Variants in GAPDHS observed in about 807,000 individuals in gnomAD.
GAPDHS encodes the protein glyceraldehyde-3-phosphate dehydrogenase, testis-specific.
In GAPDHS, 42 loss-of-function variants were observed where a neutral mutation model predicts 48.7. That is an observed-to-expected ratio of 0.86 (90% CI 0.67 to 1.12). The LOEUF is 1.12. GAPDHS is among the 50% of genes most tolerant of loss of function. GAPDHS has a pLI of 0.00. For synonymous variants in GAPDHS, 166 were observed against 219.1 expected, an observed-to-expected ratio of 0.76 and a Z score of 2.14; for missense variants, 512 against 557.7, an observed-to-expected ratio of 0.92 and a Z score of 0.82.
At position 35,545,239 on chromosome 19, in the gene GAPDHS, G is replaced by A. The variant is rs925475231; in HGVS notation, c.*69G>A. 1.5e-6 allele frequency: 2 copies of A among 1,332,416 alleles called. No homozygotes were observed. The highest frequency in any genetic ancestry group is 2.2e-6 in the Non-Finnish European group (2 of 924,752). 82.5% of individuals were successfully genotyped at this position (1,332,416 alleles called of 1,614,324 possible). A position where few individuals can be genotyped will look rare whatever the true frequency, so the allele number is the denominator to read the frequency against. On this transcript the variant is annotated 3_prime_UTR_variant, in exon 11 of 11. Coordinates refer to ENST00000222286, the MANE Select transcript of GAPDHS (RefSeq NM_014364.5). The stretch of plus-strand genomic sequence containing the variant: ...ACATGTGCCTCCCGTTCCAGCATCT[G>A]GCTGCCCGGGGGAGGAAGGACACCC...
intron 9 of GAPDHS, 72 bp from the exon 10 acceptor site, chr19:35,544,837 A>C: frequency 1.2e-6 from 1 of 850,944 alleles, no homozygotes; most frequent in Non-Finnish European, 2.1e-6. Context: ...GATAGAGTTA[A>C]GAGTCGGGGC....
At chr19:35,542,690 G>T in intron 6 of GAPDHS, 82 bp downstream of exon 6, 1 of 1,001,352 alleles carries the variant, frequency 1.0e-6, no homozygotes. Context: ...CTGGATTCCT[G>T]GTCGCTTGGC....
intron 1 of GAPDHS, among the ~76,000 whole-genome samples, chr19:35,534,500 C>G (rs993725557): frequency 6.6e-6 from 1 of 152,128 alleles, no homozygotes; most frequent in Admixed American, 6.5e-5. Context: ...CAGTGAGGAG[C>G]TGGGGGCAGC....
Position 35,543,819 on chromosome 19 carries a change from G to A in GAPDHS, c.1048G>A (p.Glu350Lys), listed in dbSNP as rs763554985. 41 of 1,611,170 alleles carry A rather than the reference G, an allele frequency of 2.5e-5. No homozygotes were observed. Among genetic ancestry groups the A allele is most frequent in the East Asian group, 8.9e-5 (4 of 44,856 alleles). The change falls in exon 9 of 11, where the codon GAG (glutamate) becomes AAG (lysine). Residue 350 changes from glutamate (E) to lysine (K), a missense_variant. By Grantham distance (56) the Glu-to-Lys change is moderately conservative (BLOSUM62 1). Coordinates refer to ENST00000222286, the MANE Select transcript of GAPDHS (RefSeq NM_014364.5). The part of the protein sequence containing the change: ...GPMAGILAYT[E>K]DEVVSTDFLG... ...CATGGCTGGCATCCTTGCCTACACC[G>A]AGGATGAGGTAGGGGCTGAGGAGAG...
At chr19:35,542,892 G>T in intron 6 of GAPDHS, 53 bp from the exon 7 acceptor site, 1 of 1,313,766 alleles carries the variant, frequency 7.6e-7, no homozygotes, top group South Asian at 1.2e-5. Context: ...AAGGGTGGAG[G>T]GGTGGCTCTG....
Position 35,533,466 on chromosome 19 carries a change from C to A in GAPDHS, c.-62C>A. 6.9e-7 allele frequency: 1 copy of A among 1,457,952 alleles called. No homozygotes were observed. Among genetic ancestry groups the A allele is most frequent in the Non-Finnish European group, 9.6e-7 (1 of 1,038,932 alleles). The allele number at this position is 1,457,952 out of a possible 1,614,324, so 90.3% of individuals were successfully genotyped here. ...TAGCCCAGGACCCACAGCCCTGGCG[C>A]TCCGCACGCACCTCGGTAACATCAC... is the stretch of plus-strand genomic sequence containing the variant. On this transcript the variant is annotated 5_prime_UTR_variant, in exon 1 of 11. Transcript: ENST00000222286.
In GAPDHS at chr19:35,537,000, C is replaced by A; in HGVS notation, c.245+10C>A. ...CTGTGGGCATCAATGGGTGAGTCTACTCCAGCCCCTGATCAGTCTGAAGCC... is the reference window on the plus strand; with the variant it reads ...CTGTGGGCATCAATGGGTGAGTCTAATCCAGCCCCTGATCAGTCTGAAGCC... On this transcript the variant is annotated intron_variant, in intron 2 of 10. Transcript: ENST00000222286. 1 of 1,609,590 alleles carries A rather than the reference C, an allele frequency of 6.2e-7. No individual in the cohort carries two copies. Among genetic ancestry groups the A allele is most frequent in the Non-Finnish European group, 8.5e-7 (1 of 1,177,066 alleles).
In GAPDHS at chr19:35,545,105, A is replaced by C; in HGVS notation, c.1162A>C (p.Asn388His). The change falls in exon 11 of 11, where the codon AAC becomes CAC. Residue 388 changes from asparagine (N) to histidine (H), a missense_variant. Transcript: ENST00000222286. Reference protein sequence around the residue: ...NFVKLISWYDNEYGYSHRVVD... With the variant: ...NFVKLISWYDHEYGYSHRVVD... ...CCGACCCCTCCTCCACAGGTACGACAACGAATATGGCTACAGTCACCGGGT... is the reference window on the plus strand; with the variant it reads ...CCGACCCCTCCTCCACAGGTACGACCACGAATATGGCTACAGTCACCGGGT... The C allele has an allele frequency of 6.2e-7, 1 of 1,614,098 alleles. No homozygotes were observed. Among genetic ancestry groups the C allele is most frequent in the Non-Finnish European group, 8.5e-7 (1 of 1,179,946 alleles).
intron 6 of GAPDHS, 159 bp from the exon 7 acceptor site, chr19:35,542,776 CTGCACCTCAG>C: frequency 1.4e-6 from 1 of 720,904 alleles, no homozygotes; most frequent in East Asian, 2.6e-5. Flanking sequence ...GCCTCCCCAG[CTGCACCTCAG>C]TGCCTCCTTC....
intron 1 of GAPDHS, among the ~76,000 whole-genome samples, chr19:35,533,937 T>A: frequency 6.6e-6 from 1 of 152,164 alleles, no homozygotes; most frequent in East Asian, 1.9e-4. Context: ...CCAGGGGTGC[T>A]GGGCTTCCAT....
intron 9 of GAPDHS, chr19:35,544,130 G>T (rs1157068130): frequency 3.1e-6 from 1 of 322,106 alleles, no homozygotes; most frequent in East Asian, 6.5e-5. Context: ...TCATTTCATA[G>T]TCACTGTTGG....
Position 35,533,557 on chromosome 19 carries a change from T to C in GAPDHS, c.30T>C (p.Asn10=), listed in dbSNP as rs1783233910. Residue 10 remains asparagine (N), a synonymous_variant, in exon 1 of 11, where the codon AAT becomes AAC. Coordinates refer to ENST00000222286, the MANE Select transcript of GAPDHS (RefSeq NM_014364.5). MSKRDIVLT[N]VTVVQLLRQP... The stretch of plus-strand genomic sequence containing the variant: ...CGAAGCGCGACATCGTCCTCACCAA[T>C]GTCACCGTTGTCCAGTTGCTGCGAC... The C allele has an allele frequency of 1.6e-5, 26 of 1,613,472 alleles. No homozygotes were observed. Among genetic ancestry groups the C allele is most frequent in the Non-Finnish European group, 2.0e-5 (24 of 1,179,870 alleles).
chr19:35,544,840 G>A, intron 9 of GAPDHS, 69 bp from the exon 10 acceptor site: 2 of 872,400 alleles, frequency 2.3e-6, no homozygotes, highest in Non-Finnish European at 2.0e-6. Context: ...AGAGTTAAGA[G>A]TCGGGGCCTC....
chr19:35,544,659 T>C (rs1382753944), intron 9 of GAPDHS: 1 of 539,438 alleles, frequency 1.9e-6, no homozygotes, highest in South Asian at 2.2e-5. Context: ...GCATTATTCC[T>C]AGGAAAGGGA....
chr19:35,536,115 A>G (rs1178167021), intron 1 of GAPDHS, among the ~76,000 whole-genome samples: 1 of 152,134 alleles, frequency 6.6e-6, no homozygotes, highest in East Asian at 1.9e-4. Context: ...TCGGGGAACA[A>G]TCTACAAAAT....
intron 2 of GAPDHS, among the ~76,000 whole-genome samples, chr19:35,538,068 T>A (rs1280517625): frequency 7.4e-6 from 1 of 135,182 alleles, no homozygotes; most frequent in Non-Finnish European, 1.6e-5. Context: ...AGAGCTGGAT[T>A]CCATCTCAAA....
At chr19:35,538,747 T>C (rs1196296639) in intron 4 of GAPDHS, 64 bp downstream of exon 4, 18 of 1,023,632 alleles carry the variant, frequency 1.8e-5, no homozygotes, top group Non-Finnish European at 3.1e-6. Context: ...TGGAGGTGGC[T>C]AAAATGGGAT....
rs375959379 is a variant in GAPDHS, at chr19:35,542,949, G to A, written c.664G>A (p.Ala222Thr). 1.7e-5 allele frequency: 27 copies of A among 1,613,516 alleles called. No individual in the cohort carries two copies. Among genetic ancestry groups the A allele is most frequent in the South Asian group, 1.1e-4 (10 of 91,072 alleles). ...NPGSMNIVSN[A>T]SCTTNCLAPL... ...TGCACACCTTGGCTGTTTCAGCAAC[G>A]CGTCCTGCACCACCAACTGTTTGGC... Residue 222 changes from alanine (A) to threonine (T), a missense_variant, in exon 7 of 11, where the codon GCG (alanine) becomes ACG (threonine). Coordinates refer to ENST00000222286, the MANE Select transcript of GAPDHS (RefSeq NM_014364.5).
chr19:35,534,837 C>T (rs1301832676), intron 1 of GAPDHS, among the ~76,000 whole-genome samples: 1 of 152,134 alleles, frequency 6.6e-6, no homozygotes, highest in East Asian at 1.9e-4. Flanking sequence ...GGGAGACAGA[C>T]AGGCCAGCTG....
Sources: gnomAD v4.1 joint callset for allele counts (sites outside exome capture counted in the v4.1 genomes callset) on GRCh38, gnomAD v4.1.1 for gene constraint, MANE v1.5 for transcripts, NCBI Gene and HGNC (gene_info 2026-07-23, HGNC 2026-07-21) for gene names.